Variants in RBBP6 observed in about 807,000 individuals in gnomAD.
RBBP6 encodes the protein RB binding protein 6, ubiquitin ligase.
A neutral mutation model predicts 167.7 loss-of-function variants in RBBP6; 25 were observed. That is an observed-to-expected ratio of 0.15 (90% CI 0.11 to 0.21). RBBP6 has a LOEUF of 0.21. RBBP6 is among the 10% of genes least tolerant of loss of function. The probability of loss-of-function intolerance (pLI) is 1.00; values close to 1 mark genes in which losing one functional copy is unlikely to be tolerated. For synonymous variants in RBBP6, 789 were observed against 735.8 expected (o/e 1.07, Z -1.17); for missense variants, 1,868 against 2,134.2 (o/e 0.88, Z 2.46).
At position 24,570,292 on chromosome 16, in the gene RBBP6, C is replaced by T. The variant is rs770698834; in HGVS notation, c.3602C>T (p.Ser1201Phe). ...MDRTPEKDKISLSAPAKKIKL... is the reference protein window; with the variant it reads ...MDRTPEKDKIFLSAPAKKIKL... Reference sequence around the variant, plus strand: ...AGGACCCCTGAAAAGGACAAAATTTCTTTAAGTGCGCCAGCCAAAAAAATC... The same window carrying T: ...AGGACCCCTGAAAAGGACAAAATTTTTTTAAGTGCGCCAGCCAAAAAAATC... The change falls in exon 17 of 18, where the codon TCT becomes TTT. Residue 1201 changes from serine to phenylalanine, a missense_variant. This residue lies in a region of RBBP6 where 673 missense variants were observed against 691.5 expected (regional missense o/e 0.97). Transcript: ENST00000319715. The T allele has an allele frequency of 2.5e-6, 4 of 1,609,942 alleles. No individual in the cohort carries two copies. Among genetic ancestry groups the T allele is most frequent in the Non-Finnish European group, 3.4e-6 (4 of 1,179,190 alleles).
Position 24,570,327 on chromosome 16 carries a change from A to G in RBBP6, c.3637A>G (p.Arg1213Gly). ...SAPAKKIKLNRETGKKIGSTE... is the reference protein window; with the variant it reads ...SAPAKKIKLNGETGKKIGSTE... Reference sequence around the variant, plus strand: ...GCCAGCCAAAAAAATCAAACTCAACAGAGAAACTGGGAAGAAAATTGGAAG... The same window carrying G: ...GCCAGCCAAAAAAATCAAACTCAACGGAGAAACTGGGAAGAAAATTGGAAG... The change falls in exon 17 of 18, where the codon AGA (arginine) becomes GGA (glycine). Residue 1213 changes from arginine to glycine, a missense_variant. By Grantham distance (125) the Arg-to-Gly change is moderately radical. Coordinates refer to ENST00000319715, the MANE Select transcript of RBBP6 (RefSeq NM_006910.5). 6.2e-7 allele frequency: 1 copy of G among 1,611,930 alleles called. No individual in the cohort carries two copies. The highest frequency in any genetic ancestry group is 8.5e-7 in the Non-Finnish European group (1 of 1,179,654).
At position 24,572,416 on chromosome 16, in the gene RBBP6, G is replaced by T; in HGVS notation, c.5350G>T (p.Asp1784Tyr). The T allele has an allele frequency of 6.5e-7, 1 of 1,526,836 alleles. No individual in the cohort carries two copies. The highest frequency in any genetic ancestry group is 1.3e-5 in the South Asian group (1 of 78,774). 94.6% of individuals were successfully genotyped at this position (1,526,836 alleles called of 1,614,324 possible). A position where few individuals can be genotyped will look rare whatever the true frequency, so the allele number is the denominator to read the frequency against. The change falls in exon 18 of 18, where the codon GAC becomes TAC. Residue 1784 changes from aspartate to tyrosine, a missense_variant. Physicochemically the swap from Asp to Tyr is radical, Grantham distance 160 (BLOSUM62 -3). This residue lies in a region of RBBP6 where 591 missense variants were observed against 540.5 expected (regional missense o/e 1.09). Coordinates refer to ENST00000319715, the MANE Select transcript of RBBP6 (RefSeq NM_006910.5). Reference protein sequence around the residue: ...KDKEKEKEKDDQKVKSVTV With the variant: ...KDKEKEKEKDYQKVKSVTV Reference sequence around the variant, plus strand: ...TAAAGAGAAGGAGAAGGAGAAAGATGACCAAAAAGTGAAATCTGTCACTGT... The same window carrying T: ...TAAAGAGAAGGAGAAGGAGAAAGATTACCAAAAAGTGAAATCTGTCACTGT...
In RBBP6 at chr16:24,562,217, TTTG is replaced by T. The variant is rs1899079035; in HGVS notation, c.1289+63_1289+65del. 2.2e-5 allele frequency: 33 copies of T among 1,471,128 alleles called. No individual in the cohort carries two copies. In the South Asian group the frequency reaches 3.6e-4, roughly 16 times the overall value. The allele number at this position is 1,471,128 out of a possible 1,614,324, so 91.1% of individuals were successfully genotyped here. A position where few individuals can be genotyped will look rare whatever the true frequency, so the allele number is the denominator to read the frequency against. On this transcript the variant is annotated intron_variant, in intron 10 of 17. Transcript: ENST00000319715. ...CCAAATGAGGTCAATGATGTAGTGT[TTTG>T]TTGTTGGTTATCACTTTTAACAGCT...
In RBBP6 at chr16:24,539,598, T is replaced by C. The variant is rs1230655745; in HGVS notation, c.-1029T>C. 3 of 151,866 alleles carry C rather than the reference T, an allele frequency of 2.0e-5. No homozygotes were observed. The allele number at this position is 151,866 out of a possible 1,614,324, so 9.4% of individuals were successfully genotyped here. On this transcript the variant is annotated 5_prime_UTR_variant, in exon 1 of 18. Coordinates refer to ENST00000319715, the MANE Select transcript of RBBP6 (RefSeq NM_006910.5). ...GGCGCTCGTCCGAAGCCAGGCCGCG[T>C]CCGCCATAGTACCTGGCTTGGAGGT... is the stretch of plus-strand genomic sequence containing the variant.
At chr16:24,545,843 GAAT>G (rs1262766785) in intron 1 of RBBP6, among the ~76,000 whole-genome samples, 2 of 152,136 alleles carry the variant, frequency 1.3e-5, no homozygotes, top group African/African-American at 4.8e-5. Context: ...TCTTCATTCC[GAAT>G]AACGGCTTTT....
chr16:24,567,033 C>T, intron 14 of RBBP6, 110 bp from the exon 15 acceptor site: 1 of 1,159,870 alleles, frequency 8.6e-7, no homozygotes, highest in South Asian at 1.6e-5. Context: ...ATAGTTGGTT[C>T]TATTCCACTG....
chr16:24,563,927 G>T (rs1161788967), intron 13 of RBBP6, among the ~76,000 whole-genome samples: 2 of 151,796 alleles, frequency 1.3e-5, no homozygotes, highest in Admixed American at 1.3e-4. Flanking sequence ...TCCAACAAAT[G>T]GGGATCTTGA....
In RBBP6 at chr16:24,567,803, A is replaced by G; in HGVS notation, c.1964A>G (p.Lys655Arg). The change falls in exon 16 of 18, where the codon AAG becomes AGG. Residue 655 changes from lysine to arginine, a missense_variant. Physicochemically the swap from Lys to Arg is conservative, Grantham distance 26. This residue lies in a region of RBBP6 where 145 missense variants were observed against 224.3 expected (regional missense o/e 0.65). Coordinates refer to ENST00000319715, the MANE Select transcript of RBBP6 (RefSeq NM_006910.5). ...QRRLKEEEKK[K>R]SKLDEFTNDF... Reference sequence around the variant, plus strand: ...CTTTATTTTACTAGGGAAAAGAAAAAGTCCAAGCTAGATGAGTTTACAAAT... The same window carrying G: ...CTTTATTTTACTAGGGAAAAGAAAAGGTCCAAGCTAGATGAGTTTACAAAT... 1.2e-6 allele frequency: 2 copies of G among 1,605,814 alleles called. No homozygotes were observed. Among genetic ancestry groups the G allele is most frequent in the Non-Finnish European group, 1.7e-6 (2 of 1,177,200 alleles).
chr16:24,568,000 G>T (rs575051360), intron 16 of RBBP6, 107 bp downstream of exon 16: 2 of 877,990 alleles, frequency 2.3e-6, no homozygotes, highest in East Asian at 5.3e-5. Context: ...TTTCTGATTC[G>T]GTCTAGGTGT....
At chr16:24,549,791 C>G (rs1352904626) in intron 3 of RBBP6, among the ~76,000 whole-genome samples, 1 of 151,986 alleles carries the variant, frequency 6.6e-6, no homozygotes, top group African/African-American at 2.4e-5. Flanking sequence ...ATATTTCCCT[C>G]TTATACTAAA....
intron 3 of RBBP6, chr16:24,549,415 T>C: frequency 1.0e-6 from 1 of 974,154 alleles, no homozygotes; most frequent in Non-Finnish European, 1.2e-6. Flanking sequence ...TTTGCCATTT[T>C]CACGTTGTAT....
Position 24,571,173 on chromosome 16 carries a change from A to G in RBBP6, c.4107A>G (p.Pro1369=). 1 of 1,613,918 alleles carries G rather than the reference A, an allele frequency of 6.2e-7. No individual in the cohort carries two copies. Among genetic ancestry groups the G allele is most frequent in the Non-Finnish European group, 8.5e-7 (1 of 1,179,764 alleles). ...AGTATCCTGAGAAAGAAAGTGAGCC[A>G]TCCGAGAAAATTCAGAAATTCACCA... is the stretch of plus-strand genomic sequence containing the variant. ...IVKYPEKESE[P]SEKIQKFTKD... The change falls in exon 18 of 18, where the codon CCA becomes CCG. Residue 1369 remains proline, a synonymous_variant. Transcript: ENST00000319715.
chr16:24,548,317 G>GTTTTTTTTTTTTTTTTTT (rs67923848), intron 2 of RBBP6, among the ~76,000 whole-genome samples: 1 of 143,654 alleles, frequency 7.0e-6, no homozygotes, highest in African/African-American at 2.5e-5. Flanking sequence ...TTTTTGTTCA[G>GTTTTTTTTTTTTTTTTTT]TTTTTTTTTT....
chr16:24,549,047 A>C, intron 3 of RBBP6, 66 bp downstream of exon 3: 1 of 1,579,004 alleles, frequency 6.3e-7, no homozygotes. Context: ...GTAGCAGTGA[A>C]GTAAATCATT....
intron 1 of RBBP6, among the ~76,000 whole-genome samples, chr16:24,543,315 A>C (rs1399995623): frequency 7.3e-6 from 1 of 136,868 alleles, no homozygotes; most frequent in African/African-American, 2.7e-5. Context: ...TTTTTTGGAG[A>C]CACATCCTCA....
In RBBP6 at chr16:24,567,281, G is replaced by A. The variant is rs200662644; in HGVS notation, c.1728G>A (p.Pro576=). The change falls in exon 15 of 18, where the codon CCG becomes CCA. Residue 576 remains proline (P), a synonymous_variant. Coordinates refer to ENST00000319715, the MANE Select transcript of RBBP6 (RefSeq NM_006910.5). ...CTCCCCATACACTTCCTCTCCCTCCGGGTGTTCCTCCTCCACAGTTTTCTC... is the reference window on the plus strand; with the variant it reads ...CTCCCCATACACTTCCTCTCCCTCCAGGTGTTCCTCCTCCACAGTTTTCTC... ...PPPPHTLPLP[P]GVPPPQFSPQ... is the part of the protein sequence containing the mutation. 17 of 1,613,910 alleles carry A rather than the reference G, an allele frequency of 1.1e-5. No homozygotes were observed. In the South Asian group the frequency reaches 1.3e-4, roughly 13 times the overall value.
intron 4 of RBBP6, 100 bp from the exon 5 acceptor site, chr16:24,555,515 A>T: frequency 1.2e-6 from 1 of 867,128 alleles, no homozygotes; most frequent in Non-Finnish European, 1.8e-6. Flanking sequence ...ATGCAAGATT[A>T]GTTAGATACT....
intron 4 of RBBP6, chr16:24,554,885 CTGTTAA>C (rs1898879122): frequency 1.3e-5 from 2 of 151,730 alleles, no homozygotes; most frequent in African/African-American, 2.4e-5. Flanking sequence ...GTTCTAAGCT[CTGTTAA>C]TGTTAAGCAT....
In RBBP6 at chr16:24,540,784, C is replaced by T; in HGVS notation, c.158C>T (p.Thr53Met). Residue 53 changes from threonine (T) to methionine (M), a missense_variant, in exon 1 of 18, where the codon ACG (threonine) becomes ATG (methionine). Around this residue, in one of 7 missense-constraint regions of RBBP6, gnomAD observed 184 missense variants for 327.7 expected, o/e 0.56. Transcript: ENST00000319715. Reference protein sequence around the residue: ...DCDLQITNAQTKEEYTDDNAL... With the variant: ...DCDLQITNAQMKEEYTDDNAL... ...GACCTGCAGATCACCAATGCGCAGA[C>T]GAAAGAAGGTAAGGGCCGCTTGGTC... The T allele has an allele frequency of 6.2e-7, 1 of 1,612,542 alleles. No individual in the cohort carries two copies. The highest frequency in any genetic ancestry group is 8.5e-7 in the Non-Finnish European group (1 of 1,179,512).
Sources: allele counts gnomAD v4.1 joint callset (sites outside exome capture counted in the v4.1 genomes callset), GRCh38; gene constraint gnomAD v4.1.1; regional missense constraint gnomAD v4.1.1; transcripts MANE v1.5; gene names NCBI Gene and HGNC (gene_info 2026-07-23, HGNC 2026-07-21).